The following XPO6 variants were observed in gnomAD, a reference collection of about 807,000 sequenced individuals.
XPO6 encodes the protein exportin 6.
XPO6 carries 3 observed loss-of-function variants against 130.0 expected under a neutral mutation model. That is an observed-to-expected ratio of 0.02 (90% CI 0.01 to 0.06). XPO6 has a LOEUF of 0.06. XPO6 is among the 10% of genes least tolerant of loss of function. The probability of loss-of-function intolerance (pLI) is 1.00; values close to 1 mark genes in which losing one functional copy is unlikely to be tolerated. For missense variants in XPO6, 970 were observed against 1,393.0 expected (o/e 0.70, Z 4.83); for synonymous variants, 524 against 548.9 (o/e 0.95, Z 0.63).
chr16:28,185,060 T>C (rs2043672897), intron 1 of XPO6, among the ~76,000 whole-genome samples: 1 of 152,178 alleles, frequency 6.6e-6, no homozygotes, highest in Non-Finnish European at 1.5e-5. Context: ...AGTGATTTCT[T>C]GATAGAGGAG....
chr16:28,099,368 A>C (rs1446940302), intron 23 of XPO6, among the ~76,000 whole-genome samples: 2 of 152,154 alleles, frequency 1.3e-5, no homozygotes, highest in South Asian at 2.1e-4. Flanking sequence ...AGCAGGACCA[A>C]GTTCATTTTC....
At chr16:28,176,243 A>C (rs954365554) in intron 3 of XPO6, 148 bp from the exon 4 acceptor site, 1 of 713,824 alleles carries the variant, frequency 1.4e-6, no homozygotes, top group African/African-American at 1.8e-5. Flanking sequence ...GAATAATAAA[A>C]GTATTCAAAT....
chr16:28,170,675 A>C (rs1368656633), intron 4 of XPO6, among the ~76,000 whole-genome samples: 2 of 152,220 alleles, frequency 1.3e-5, no homozygotes. Context: ...CATGCTTCAG[A>C]AAAGTTCATG....
intron 4 of XPO6, among the ~76,000 whole-genome samples, chr16:28,173,668 A>C (rs1016425140): frequency 5.3e-5 from 8 of 152,210 alleles, no homozygotes; most frequent in African/African-American, 1.9e-4. Context: ...GGCTCCTTCT[A>C]CTACATGGTG....
rs2043147696 is a variant in XPO6, at chr16:28,154,305, T to G, written c.1098-1520A>C. ...GCCATGGGCTAAATACAGAACAATC[T>G]CAATTTTACTTTAGTATCTAACCCA... On this transcript the variant is annotated intron_variant, in intron 7 of 23. Coordinates refer to ENST00000304658, the MANE Select transcript of XPO6 (RefSeq NM_015171.4). 3.1e-6 allele frequency: 3 copies of G among 958,732 alleles called. No homozygotes were observed. The African/African-American group carries it at 5.8e-5, about 19-fold the overall frequency. 59.4% of individuals were successfully genotyped at this position (958,732 alleles called of 1,614,324 possible).
chr16:28,140,026 G>A (rs61006637), intron 9 of XPO6, among the ~76,000 whole-genome samples: 8,237 of 151,552 alleles, frequency 0.054, 567 homozygotes, highest in East Asian at 0.17. Flanking sequence ...GAGGTCAGGA[G>A]TTCCAGACCA....
chr16:28,121,793 A>G (rs2087247895), intron 13 of XPO6, 31 bp from the exon 14 acceptor site: 2 of 1,463,106 alleles, frequency 1.4e-6, no homozygotes, highest in South Asian at 1.1e-5. Flanking sequence ...AAACAAGAAC[A>G]TTCAGCTTAT....
At chr16:28,151,296 C>A (rs561690883) in intron 8 of XPO6, among the ~76,000 whole-genome samples, 2 of 151,612 alleles carry the variant, frequency 1.3e-5, no homozygotes, top group Admixed American at 1.3e-4. Context: ...AAAGCACGTA[C>A]AAGAATGTTC....
intron 9 of XPO6, 101 bp from the exon 10 acceptor site, chr16:28,135,425 C>T (rs1208535825): frequency 1.1e-6 from 1 of 929,250 alleles, no homozygotes; most frequent in Non-Finnish European, 1.6e-6. Flanking sequence ...ATGTTGATCA[C>T]CATGGAAAAA....
At chr16:28,206,506 C>T (rs1040552813) in intron 1 of XPO6, among the ~76,000 whole-genome samples, 2 of 152,074 alleles carry the variant, frequency 1.3e-5, no homozygotes, top group Non-Finnish European at 2.9e-5. Context: ...TGTGACTGTG[C>T]TGCTGCGCCC....
Position 28,098,268 on chromosome 16 carries a change from G to A in XPO6, c.*270C>T, listed in dbSNP as rs1596761810. ...GCCTGGTCTGCATGGGCCACCCCGC[G>A]GGATTTCCTGGTGCCTCCTAGTACC... is the stretch of plus-strand genomic sequence containing the variant. On this transcript the variant is annotated 3_prime_UTR_variant, in exon 24 of 24. Transcript: ENST00000304658. The A allele has an allele frequency of 8.1e-6, 3 of 368,290 alleles. No homozygotes were observed. Among genetic ancestry groups the A allele is most frequent in the Admixed American group, 4.4e-5 (1 of 22,928 alleles). The allele number at this position is 368,290 out of a possible 1,614,324, so 22.8% of individuals were successfully genotyped here. A position where few individuals can be genotyped will look rare whatever the true frequency, so the allele number is the denominator to read the frequency against.
At chr16:28,145,689 C>G (rs1321072371) in intron 9 of XPO6, among the ~76,000 whole-genome samples, 2 of 152,114 alleles carry the variant, frequency 1.3e-5, no homozygotes, top group African/African-American at 4.8e-5. Context: ...GGAACTAACT[C>G]CAACATCAAT....
At chr16:28,193,577 A>G (rs540620816) in intron 1 of XPO6, among the ~76,000 whole-genome samples, 4 of 152,328 alleles carry the variant, frequency 2.6e-5, no homozygotes, top group African/African-American at 7.2e-5. Context: ...ACTGGATTAG[A>G]AAGGCAAAAC....
chr16:28,101,931 G>A lies in XPO6; in HGVS notation c.2961C>T (p.Ser987=). ...FSAIMQAFGQ[S]FLQPDIHLFK... ...AAAGGTGGATGTCGGGCTGGAGAAAGGACTGTCCGAAAGCCTAGGAAATGA... is the reference window on the plus strand; with the variant it reads ...AAAGGTGGATGTCGGGCTGGAGAAAAGACTGTCCGAAAGCCTAGGAAATGA... The change falls in exon 22 of 24, where the codon TCC becomes TCT. Residue 987 remains serine, a synonymous_variant. Coordinates refer to ENST00000304658, the MANE Select transcript of XPO6 (RefSeq NM_015171.4). This position sits in a 1 kb window ranked among gnomAD's most constrained non-coding sequence, Gnocchi z 5.4. 1 of 1,614,064 alleles carries A rather than the reference G, an allele frequency of 6.2e-7. No homozygotes were observed. The highest frequency in any genetic ancestry group is 8.5e-7 in the Non-Finnish European group (1 of 1,179,988).
Position 28,156,478 on chromosome 16 carries a change from C to G in XPO6, c.693G>C (p.Leu231Phe). ...LLQSPSSAKL[L>F]NQPIPILDVE... ...CATCAAGGATGGGAATTGGCTGATT[C>G]AACAGTTTGGCTGAACTGGGACTCT... Residue 231 changes from leucine to phenylalanine, a missense_variant, in exon 7 of 24, where the codon TTG (leucine) becomes TTC (phenylalanine). Coordinates refer to ENST00000304658, the MANE Select transcript of XPO6 (RefSeq NM_015171.4). 6.2e-7 allele frequency: 1 copy of G among 1,602,548 alleles called. No homozygotes were observed. The highest frequency in any genetic ancestry group is 8.5e-7 in the Non-Finnish European group (1 of 1,171,696).
At chr16:28,167,666 G>A (rs996669330) in intron 5 of XPO6, among the ~76,000 whole-genome samples, 1 of 152,218 alleles carries the variant, frequency 6.6e-6, no homozygotes, top group Non-Finnish European at 1.5e-5. Flanking sequence ...TAAATTACCT[G>A]AGGGTGGGAA....
intron 1 of XPO6, among the ~76,000 whole-genome samples, chr16:28,210,322 G>T (rs757234429): frequency 7.9e-5 from 12 of 152,148 alleles, no homozygotes; most frequent in Non-Finnish European, 1.5e-4. Flanking sequence ...ATGCAGCTAT[G>T]TCCCTTTCTC....
At chr16:28,184,720 A>G (rs2043668026) in intron 1 of XPO6, among the ~76,000 whole-genome samples, 1 of 152,234 alleles carries the variant, frequency 6.6e-6, no homozygotes, top group Non-Finnish European at 1.5e-5. Context: ...TCAGGAAAAT[A>G]CAAATTTAAA....
intron 9 of XPO6, among the ~76,000 whole-genome samples, chr16:28,136,017 A>C (rs1402655245): frequency 6.6e-6 from 1 of 152,184 alleles, no homozygotes; most frequent in Admixed American, 6.5e-5. Flanking sequence ...ACTGCATATA[A>C]ATATTACCTA....
Sources: gnomAD v4.1 joint callset for allele counts (sites outside exome capture counted in the v4.1 genomes callset) on GRCh38, gnomAD v4.1.1 for gene constraint, Gnocchi (gnomAD v3.1) non-coding constraint, MANE v1.5 for transcripts, NCBI Gene and HGNC (gene_info 2026-07-23, HGNC 2026-07-21) for gene names.